Variants in DLC1 observed in about 807,000 individuals in gnomAD.
The protein encoded by DLC1 is rho GTPase-activating protein 7.
DLC1 carries 54 observed loss-of-function variants against 140.3 expected under a neutral mutation model. That is an observed-to-expected ratio of 0.38 (90% CI 0.31 to 0.48). DLC1 has a LOEUF of 0.48. Ranked by LOEUF, DLC1 falls within the 20% of genes least tolerant of loss-of-function variation. The pLI, the probability that DLC1 is intolerant of heterozygous loss-of-function variation, is 0.96. For synonymous variants in DLC1, 986 were observed against 728.1 expected, an observed-to-expected ratio of 1.35 and a Z score of -5.70; for missense variants, 2,536 against 1,907.0, an observed-to-expected ratio of 1.33 and a Z score of -6.14.
intron 1 of DLC1, among the ~76,000 whole-genome samples, chr8:13,586,620 C>CACACAG (rs948582958): frequency 6.8e-6 from 1 of 146,884 alleles, no homozygotes; most frequent in Non-Finnish European, 1.5e-5. Flanking sequence ...CACACACACA[C>CACACAG]ACACACCTGC....
chr8:13,418,406 G>A (rs1838168561), intron 2 of DLC1, among the ~76,000 whole-genome samples: 1 of 152,114 alleles, frequency 6.6e-6, no homozygotes. Flanking sequence ...GTGTAAGGAA[G>A]GGATCCAGTT....
chr8:13,300,289 T>C (rs980520448), intron 5 of DLC1, among the ~76,000 whole-genome samples: 1 of 151,918 alleles, frequency 6.6e-6, no homozygotes, highest in Admixed American at 6.6e-5. Context: ...TTGGGGAGGA[T>C]GGTGTGGGGA....
At position 13,547,322 on chromosome 8, in the gene DLC1, G is replaced by T. The variant is rs570927305; in HGVS notation, c.-125-47126C>A. 5.9e-5 allele frequency among the ~76,000 whole-genome samples: 9 copies of T among 152,054 alleles called. No homozygotes were observed. In the South Asian group the frequency reaches 1.9e-3, roughly 32 times the overall value. The stretch of plus-strand genomic sequence containing the variant: ...CAAAGCCTTTAGCATTATATCAAAT[G>T]ACCGTCATATAGACTTGTGTAAGAG... On this transcript the variant is annotated intron_variant, in intron 1 of 1. Coordinates refer to the DLC1 transcript ENST00000631382.
intron 2 of DLC1, among the ~76,000 whole-genome samples, chr8:13,483,832 A>T (rs936663437): frequency 9.2e-5 from 14 of 152,290 alleles, no homozygotes; most frequent in African/African-American, 2.9e-4. Context: ...CTGTAATCCC[A>T]GCATTTTGGG....
chr8:13,522,659 A>C (rs1011759434), intron 1 of DLC1, among the ~76,000 whole-genome samples: 8 of 151,996 alleles, frequency 5.3e-5, no homozygotes, highest in Admixed American at 5.2e-4. Flanking sequence ...AATAAATATA[A>C]AAATAAATAA....
intron 2 of DLC1, among the ~76,000 whole-genome samples, chr8:13,477,587 G>T (rs1234370439): frequency 6.6e-6 from 1 of 152,206 alleles, no homozygotes; most frequent in African/African-American, 2.4e-5. Context: ...ATAATCTGGT[G>T]ATGATGCTTT....
chr8:13,428,946 C>T (rs1838735012), intron 2 of DLC1, among the ~76,000 whole-genome samples: 1 of 152,172 alleles, frequency 6.6e-6, no homozygotes, highest in Non-Finnish European at 1.5e-5. Flanking sequence ...AAGGCATAAT[C>T]TCTGCCTAAA....
At chr8:13,168,746 T>C (rs12681557) in intron 5 of DLC1, among the ~76,000 whole-genome samples, 100,101 of 152,150 alleles carry the variant, frequency 0.66, 33,956 homozygotes, top group East Asian at 0.85. Context: ...GAAGTCCACA[T>C]CAAACCGATT....
intron 5 of DLC1, among the ~76,000 whole-genome samples, chr8:13,289,861 G>T (rs1831690665): frequency 6.6e-6 from 1 of 152,104 alleles, no homozygotes; most frequent in Non-Finnish European, 1.5e-5. Flanking sequence ...TCTGCATATG[G>T]AATTATTTTA....
chr8:13,450,768 C>A (rs1047159928), intron 2 of DLC1, among the ~76,000 whole-genome samples: 1 of 151,870 alleles, frequency 6.6e-6, no homozygotes, highest in Admixed American at 6.6e-5. Context: ...AGGCCAGGCG[C>A]GGTGGCTCAT....
At chr8:13,258,515 G>A (rs2117318325) in intron 5 of DLC1, among the ~76,000 whole-genome samples, 1 of 152,230 alleles carries the variant, frequency 6.6e-6, no homozygotes, top group South Asian at 2.1e-4. Flanking sequence ...GAACACAATG[G>A]ACTTTGGATT....
At chr8:13,140,392 C>G (rs939850877) in intron 5 of DLC1, among the ~76,000 whole-genome samples, 1 of 152,052 alleles carries the variant, frequency 6.6e-6, no homozygotes, top group African/African-American at 2.4e-5. Context: ...ATCATCATGC[C>G]TGGCTAACGT....
intron 5 of DLC1, among the ~76,000 whole-genome samples, chr8:13,301,340 A>C (rs1395672780): frequency 6.6e-6 from 1 of 152,194 alleles, no homozygotes; most frequent in Admixed American, 6.5e-5. Context: ...TTCTTCTTCC[A>C]CATGGACAGC....
chr8:13,275,113 A>G (rs1349102289), intron 5 of DLC1, among the ~76,000 whole-genome samples: 1 of 152,230 alleles, frequency 6.6e-6, no homozygotes, highest in Non-Finnish European at 1.5e-5. Flanking sequence ...GACATTGTTT[A>G]CTTTCTCCGT....
Position 13,098,544 on chromosome 8 carries a change from A to C in DLC1, c.3022T>G (p.Ser1008Ala). The change falls in exon 10 of 18, where the codon TCA (serine) becomes GCA (alanine). Residue 1008 changes from serine (S) to alanine (A), a missense_variant. Transcript: ENST00000276297. ...HRLRWHSFQS[S>A]HRPSLNSVSL... Reference sequence around the variant, plus strand: ...ACAGAGTTGAGGCTTGGCCGATGTGAGCTCTGGAAACTGTGCCATCTCAGT... The same window carrying C: ...ACAGAGTTGAGGCTTGGCCGATGTGCGCTCTGGAAACTGTGCCATCTCAGT... 2 of 1,614,194 alleles carry C rather than the reference A, an allele frequency of 1.2e-6. No homozygotes were observed. The highest frequency in any genetic ancestry group is 1.7e-6 in the Non-Finnish European group (2 of 1,180,024).
chr8:13,120,541 A>G (rs1820973679), intron 5 of DLC1, among the ~76,000 whole-genome samples: 1 of 151,506 alleles, frequency 6.6e-6, no homozygotes, highest in African/African-American at 2.4e-5. Flanking sequence ...TTTCCCTTCA[A>G]TGTATGTGGG....
chr8:13,453,479 TGTATATATATAC>T (rs1799228287), intron 2 of DLC1, among the ~76,000 whole-genome samples: 2 of 35,712 alleles, frequency 5.6e-5, no homozygotes, highest in East Asian at 5.5e-4. Context: ...TACATATATA[TGTATATATATAC>T]ATATATATAT....
chr8:13,480,430 C>T (rs773984504), intron 2 of DLC1, among the ~76,000 whole-genome samples: 1 of 152,028 alleles, frequency 6.6e-6, no homozygotes, highest in African/African-American at 2.4e-5. Context: ...TTGATGCCTG[C>T]CTGGTTGATC....
At chr8:13,570,224 A>G (rs569485680) in intron 1 of DLC1, among the ~76,000 whole-genome samples, 3 of 151,676 alleles carry the variant, frequency 2.0e-5, no homozygotes, top group East Asian at 1.9e-4. Context: ...AAGCGTCTCT[A>G]CATTACTTCC....
Sources: allele counts gnomAD v4.1 joint callset (sites outside exome capture counted in the v4.1 genomes callset), GRCh38; gene constraint gnomAD v4.1.1; transcripts MANE v1.5; gene names NCBI Gene and HGNC (gene_info 2026-07-23, HGNC 2026-07-21).